The following AHCTF1 variants were observed in gnomAD, a reference collection of about 807,000 sequenced individuals.
The protein encoded by AHCTF1 is protein ELYS.
In AHCTF1, 24 loss-of-function variants were observed where a neutral mutation model predicts 248.4. The ratio of observed to expected loss-of-function variants is 0.10; its 90% confidence interval spans 0.07 to 0.14. The LOEUF (loss-of-function observed/expected upper bound fraction) is 0.14, where lower values mean the gene tolerates loss of function less well. Among genes scored for constraint, AHCTF1 ranks in the 10% least tolerant of loss-of-function variants. The pLI, the probability that AHCTF1 is intolerant of heterozygous loss-of-function variation, is 1.00. For synonymous variants in AHCTF1, 786 were observed against 929.8 expected (o/e 0.85, Z 2.81); for missense variants, 2,206 against 2,636.2 (o/e 0.84, Z 3.57).
intron 35 of AHCTF1, among the ~76,000 whole-genome samples, chr1:246,842,028 C>T (rs1310283747): frequency 1.3e-5 from 2 of 149,298 alleles, no homozygotes; most frequent in African/African-American, 5.0e-5. Flanking sequence ...ACTCCTGACT[C>T]GTGATCCACC....
intron 32 of AHCTF1, 79 bp from the exon 33 acceptor site, chr1:246,851,521 C>T (rs1369538590): frequency 7.7e-7 from 1 of 1,305,116 alleles, no homozygotes; most frequent in Admixed American, 2.8e-5. Context: ...TTTTTGATGA[C>T]CCTTGGCTGT....
chr1:246,867,193 G>GT, intron 26 of AHCTF1, 51 bp downstream of exon 26: 1 of 931,490 alleles, frequency 1.1e-6, no homozygotes, highest in African/African-American at 1.7e-5. Context: ...AATTACAATT[G>GT]TAACTATCAT....
chr1:246,846,304 G>A (rs192282630), intron 33 of AHCTF1, among the ~76,000 whole-genome samples: 5 of 151,698 alleles, frequency 3.3e-5, no homozygotes, highest in African/African-American at 7.3e-5. Flanking sequence ...ATGTAAAAAC[G>A]AAGTTTAGAA....
rs1664436174 is a variant in AHCTF1 at position 246,894,602 on chromosome 1, C to G, written c.1804+57G>C. On this transcript the variant is annotated intron_variant, in intron 14 of 35. Transcript: ENST00000648844. Reference sequence around the variant, plus strand: ...AAAAATTATGTACTTAAGACATAAACCAAGGTTAGTATTTTAATATTAAAT... The same window carrying G: ...AAAAATTATGTACTTAAGACATAAAGCAAGGTTAGTATTTTAATATTAAAT... 1.0e-5 allele frequency: 14 copies of G among 1,357,254 alleles called. No homozygotes were observed. The South Asian group carries it at 1.6e-4, about 16-fold the overall frequency. 84.1% of individuals were successfully genotyped at this position (1,357,254 alleles called of 1,614,324 possible). A position where few individuals can be genotyped will look rare whatever the true frequency, so the allele number is the denominator to read the frequency against.
At chr1:246,876,229 T>C in intron 23 of AHCTF1, 42 bp from the exon 24 acceptor site, 1 of 1,476,880 alleles carries the variant, frequency 6.8e-7, no homozygotes, top group Non-Finnish European at 9.1e-7. Context: ...ACCTTCAAAA[T>C]GTTAGGTGCT....
At chr1:246,843,739 G>A in intron 34 of AHCTF1, 56 bp downstream of exon 34, 2 of 1,033,588 alleles carry the variant, frequency 1.9e-6, no homozygotes, top group Non-Finnish European at 2.4e-6. Context: ...TAAAACATTT[G>A]TAAAAAAAAA....
intron 31 of AHCTF1, among the ~76,000 whole-genome samples, chr1:246,854,546 C>A (rs1260817709): frequency 2.0e-5 from 3 of 152,044 alleles, no homozygotes; most frequent in Non-Finnish European, 4.4e-5. Flanking sequence ...ATCTATATTC[C>A]TGACAGAAAA....
intron 19 of AHCTF1, 140 bp from the exon 20 acceptor site, chr1:246,887,497 G>A (rs1439203231): frequency 1.2e-5 from 10 of 818,054 alleles, no homozygotes; most frequent in Admixed American, 3.2e-5. Flanking sequence ...CCATCATGGA[G>A]AGTCAGCAAT....
In AHCTF1 at chr1:246,903,931, A is replaced by G; in HGVS notation, c.966+18T>C. ...CAACAAAATGGTAATATAAACCCAT[A>G]GTCCAATGACCATTTACCTCATATA... is the stretch of plus-strand genomic sequence containing the variant. On this transcript the variant is annotated intron_variant, in intron 7 of 35. Transcript: ENST00000648844. 1 of 1,577,088 alleles carries G rather than the reference A, an allele frequency of 6.3e-7. No homozygotes were observed. The highest frequency in any genetic ancestry group is 8.7e-7 in the Non-Finnish European group (1 of 1,146,754).
chr1:246,908,693 C>G (rs1444783291), intron 4 of AHCTF1, among the ~76,000 whole-genome samples: 2 of 150,018 alleles, frequency 1.3e-5, no homozygotes, highest in African/African-American at 4.9e-5. Context: ...TGAGACCATC[C>G]TGGCTAACAC....
chr1:246,855,980 A>T (rs1297565159), intron 30 of AHCTF1, among the ~76,000 whole-genome samples, 153 bp from the exon 31 acceptor site: 1 of 152,210 alleles, frequency 6.6e-6, no homozygotes, highest in Non-Finnish European at 1.5e-5. Context: ...AATAATATAA[A>T]ATTTAAAAGT....
chr1:246,930,834 C>A (rs1430996254), intron 1 of AHCTF1, among the ~76,000 whole-genome samples: 2 of 152,172 alleles, frequency 1.3e-5, no homozygotes, highest in Non-Finnish European at 2.9e-5. Context: ...AAAATTTCTA[C>A]AACTGACGAT....
intron 23 of AHCTF1, 86 bp from the exon 24 acceptor site, chr1:246,876,273 T>G: frequency 8.3e-7 from 1 of 1,207,476 alleles, no homozygotes. Flanking sequence ...AATAAAACTA[T>G]GAATATCCAA....
chr1:246,853,329 T>C (rs967752387), intron 31 of AHCTF1, 30 bp from the exon 32 acceptor site: 14 of 1,561,812 alleles, frequency 9.0e-6, no homozygotes, highest in Middle Eastern at 1.7e-4. Context: ...ATTTTTTACA[T>C]TTAAACTGAA....
chr1:246,894,438 G>T (rs1664424068), intron 14 of AHCTF1, among the ~76,000 whole-genome samples: 1 of 152,110 alleles, frequency 6.6e-6, no homozygotes, highest in Admixed American at 6.5e-5. Context: ...GCCGAGCGTA[G>T]TGGCGGGCAG....
At chr1:246,848,904 CAG>C (rs757949928) in intron 33 of AHCTF1, among the ~76,000 whole-genome samples, 22 of 152,142 alleles carry the variant, frequency 1.4e-4, no homozygotes, top group South Asian at 4.1e-4. Flanking sequence ...AACACTTTTA[CAG>C]AGAGTTACTC....
chr1:246,913,173 A>T, intron 4 of AHCTF1, 59 bp downstream of exon 4: 1 of 1,428,706 alleles, frequency 7.0e-7, no homozygotes, highest in Non-Finnish European at 9.3e-7. Flanking sequence ...TACTTTAAAA[A>T]ATATTGCATC....
chr1:246,910,853 G>C (rs1234240540), intron 4 of AHCTF1, among the ~76,000 whole-genome samples: 2 of 152,148 alleles, frequency 1.3e-5, no homozygotes, highest in Non-Finnish European at 2.9e-5. Context: ...AAAGAAATGG[G>C]TAAGCCCTAT....
intron 1 of AHCTF1, among the ~76,000 whole-genome samples, chr1:246,927,119 A>C (rs1381376655): frequency 6.6e-6 from 1 of 151,856 alleles, no homozygotes; most frequent in Non-Finnish European, 1.5e-5. Flanking sequence ...CGGAGCTTGC[A>C]GTGAGCCAAG....
Sources: gnomAD v4.1 joint callset for allele counts (sites outside exome capture counted in the v4.1 genomes callset) on GRCh38, gnomAD v4.1.1 for gene constraint, MANE v1.5 for transcripts, NCBI Gene and HGNC (gene_info 2026-07-23, HGNC 2026-07-21) for gene names.